The following KDM4C variants were observed in gnomAD, a reference collection of about 807,000 sequenced individuals.
The protein encoded by KDM4C is lysine-specific demethylase 4C.
KDM4C carries 81 observed loss-of-function variants against 129.3 expected under a neutral mutation model. The observed-to-expected ratio is 0.63, with a 90% CI of 0.52 to 0.75. The LOEUF (loss-of-function observed/expected upper bound fraction) is 0.75, where lower values mean the gene tolerates loss of function less well. Ranked by LOEUF, KDM4C falls within the 30% of genes least tolerant of loss-of-function variation. The pLI, the probability that KDM4C is intolerant of heterozygous loss-of-function variation, is 0.00. For synonymous variants in KDM4C, 573 were observed against 456.1 expected, an observed-to-expected ratio of 1.26 and a Z score of -3.26; for missense variants, 1,457 against 1,304.0, an observed-to-expected ratio of 1.12 and a Z score of -1.81.
chr9:6,763,003 A>C (rs1375160797), intron 1 of KDM4C, among the ~76,000 whole-genome samples: 4 of 150,158 alleles, frequency 2.7e-5, no homozygotes, highest in Admixed American at 6.6e-5. Context: ...AAGATTCCCT[A>C]CTTCCTCATC....
intron 7 of KDM4C, among the ~76,000 whole-genome samples, chr9:6,890,337 CAG>C (rs1320621129): frequency 4.6e-5 from 7 of 152,174 alleles, no homozygotes; most frequent in African/African-American, 1.7e-4. Context: ...AATCTATAGA[CAG>C]AGTTTTGAAT....
Position 6,859,812 on chromosome 9 carries a change from C to T in KDM4C, c.629+10112C>T, listed in dbSNP as rs1203412979. Among the ~76,000 whole-genome samples the T allele has an allele frequency of 6.0e-5, 9 of 150,376 alleles. No individual in the cohort carries two copies. The East Asian group carries it at 1.6e-3, about 26-fold the overall frequency. The stretch of plus-strand genomic sequence containing the variant: ...CCTGAGATGCGGAGCTTGTAGCAAG[C>T]CGAGATCGTGCCACTGCACTCCAGC... On this transcript the variant is annotated intron_variant, in intron 5 of 21. Coordinates refer to ENST00000381309, the MANE Select transcript of KDM4C (RefSeq NM_015061.6).
chr9:6,761,898 G>A (rs7871819), intron 1 of KDM4C, among the ~76,000 whole-genome samples: 34 of 151,962 alleles, frequency 2.2e-4, no homozygotes, highest in African/African-American at 7.7e-4. Context: ...TGCAACCTCC[G>A]ACTCCCTGGA....
At chr9:6,728,055 C>A (rs1425896438) in intron 1 of KDM4C, among the ~76,000 whole-genome samples, 3 of 92,140 alleles carry the variant, frequency 3.3e-5, no homozygotes, top group African/African-American at 4.9e-5. Context: ...CCAAAACCAA[C>A]CATGAAGCTG....
At chr9:7,173,936 A>C (rs7850737) in intron 21 of KDM4C, among the ~76,000 whole-genome samples, 5,457 of 152,304 alleles carry the variant, frequency 0.036, 351 homozygotes, top group African/African-American at 0.12. Flanking sequence ...AGTGGAGAGG[A>C]GAAGGCCCAG....
chr9:6,807,790 T>A (rs867292623), intron 3 of KDM4C, among the ~76,000 whole-genome samples: 1 of 109,594 alleles, frequency 9.1e-6, no homozygotes, highest in African/African-American at 3.7e-5. Context: ...GGGAGGGAGG[T>A]GGGGGGGGGG....
intron 17 of KDM4C, among the ~76,000 whole-genome samples, chr9:7,068,302 C>G (rs1351488331): frequency 6.6e-6 from 1 of 152,190 alleles, no homozygotes; most frequent in East Asian, 1.9e-4. Flanking sequence ...AACCCACTAG[C>G]ATCATGACAT....
chr9:6,791,742 G>A (rs1357948628), intron 1 of KDM4C, among the ~76,000 whole-genome samples: 1 of 152,186 alleles, frequency 6.6e-6, no homozygotes, highest in African/African-American at 2.4e-5. Flanking sequence ...CATTTTTACG[G>A]CCAGACACAG....
chr9:6,750,438 C>CAA (rs1185293523), intron 1 of KDM4C, among the ~76,000 whole-genome samples: 40 of 101,868 alleles, frequency 3.9e-4, no homozygotes, highest in Admixed American at 4.1e-4. Context: ...GACTCTGTCT[C>CAA]AAAAAAAAAA....
At chr9:6,930,717 TTATTATAA>T (rs1481031867) in intron 8 of KDM4C, among the ~76,000 whole-genome samples, 97 of 82,544 alleles carry the variant, frequency 1.2e-3, no homozygotes, top group African/African-American at 3.1e-3. Context: ...GATTATACTA[TTATTATAA>T]TATAATAATT....
At chr9:6,837,374 C>G (rs1189612936) in intron 4 of KDM4C, among the ~76,000 whole-genome samples, 2 of 152,172 alleles carry the variant, frequency 1.3e-5, no homozygotes, top group Non-Finnish European at 2.9e-5. Flanking sequence ...ATTATTAAGA[C>G]AGCTTTATTG....
intron 17 of KDM4C, among the ~76,000 whole-genome samples, chr9:7,055,589 G>C (rs985856166): frequency 3.3e-5 from 5 of 152,212 alleles, no homozygotes; most frequent in African/African-American, 7.2e-5. Context: ...GCAAGCCAAA[G>C]ATTATAGTTT....
chr9:7,061,178 G>A (rs1831610595), intron 17 of KDM4C, among the ~76,000 whole-genome samples: 1 of 152,164 alleles, frequency 6.6e-6, no homozygotes, highest in African/African-American at 2.4e-5. Context: ...CTCCAGTAGT[G>A]TTCCATGTAT....
chr9:7,011,893 C>T lies in KDM4C; in HGVS notation c.1968+14C>T, dbSNP rs1443413547. 6 of 1,606,840 alleles carry T rather than the reference C, an allele frequency of 3.7e-6. No homozygotes were observed. The highest frequency in any genetic ancestry group is 4.3e-6 in the Non-Finnish European group (5 of 1,174,752). Reference sequence around the variant, plus strand: ...CCGTACCACAAGGTAAAGGAGCCTGCTATCATAGTTCCCTTCACTGCTCTG... The same window carrying T: ...CCGTACCACAAGGTAAAGGAGCCTGTTATCATAGTTCCCTTCACTGCTCTG... On this transcript the variant is annotated intron_variant, in intron 13 of 21. Coordinates refer to ENST00000381309, the MANE Select transcript of KDM4C (RefSeq NM_015061.6).
At position 6,729,204 on chromosome 9, in the gene KDM4C, CAAAAAAA is replaced by C. The variant is rs1186478804; in HGVS notation, c.49+8224_49+8230del. The stretch of plus-strand genomic sequence containing the variant: ...GGGCGACAGAGCAAAGCTCCGTCTC[CAAAAAAA>C]AAAAAAAAAAAAAAAAGAAGAAGAA... On this transcript the variant is annotated intron_variant, in intron 1 of 17. Transcript: ENST00000536108. Among the ~76,000 whole-genome samples the C allele has an allele frequency of 9.3e-5, 3 of 32,098 alleles. 1 individual carries two copies. Among genetic ancestry groups the C allele is most frequent in the Non-Finnish European group, 1.4e-4 (3 of 21,658 alleles). 21.1% of individuals were successfully genotyped at this position (32,098 alleles called of 152,430 possible).
At chr9:7,035,487 T>A (rs1827484401) in intron 15 of KDM4C, among the ~76,000 whole-genome samples, 1 of 151,722 alleles carries the variant, frequency 6.6e-6, no homozygotes, top group Non-Finnish European at 1.5e-5. Flanking sequence ...GCTTTTTCGC[T>A]TGATATATCC....
chr9:7,070,792 A>C (rs1833089249), intron 17 of KDM4C, among the ~76,000 whole-genome samples: 1 of 152,184 alleles, frequency 6.6e-6, no homozygotes, highest in African/African-American at 2.4e-5. Context: ...TGTGACTGTG[A>C]ACAAGGTAAT....
At chr9:6,809,019 CTT>C (rs147478547) in intron 3 of KDM4C, among the ~76,000 whole-genome samples, 3,262 of 152,196 alleles carry the variant, frequency 0.021, 105 homozygotes, top group African/African-American at 0.075. Flanking sequence ...GAGATTAAGA[CTT>C]TGAATGAATT....
At chr9:7,043,943 A>G (rs576540110) in intron 15 of KDM4C, among the ~76,000 whole-genome samples, 2 of 152,096 alleles carry the variant, frequency 1.3e-5, no homozygotes, top group East Asian at 3.9e-4. Flanking sequence ...CTGTTTTGCC[A>G]TGTTTTGTTA....
Sources: gnomAD v4.1 joint callset for allele counts (sites outside exome capture counted in the v4.1 genomes callset) on GRCh38, gnomAD v4.1.1 for gene constraint, MANE v1.5 for transcripts, NCBI Gene and HGNC (gene_info 2026-07-23, HGNC 2026-07-21) for gene names.